Variants in HEATR5A observed in about 807,000 individuals in gnomAD.
HEATR5A encodes HEAT repeat-containing protein 5A.
A neutral mutation model predicts 218.8 loss-of-function variants in HEATR5A; 178 were observed. The ratio of observed to expected loss-of-function variants is 0.81; its 90% CI spans 0.72 to 0.92. The LOEUF is 0.92. Ranked by LOEUF, HEATR5A falls within the 40% of genes least tolerant of loss-of-function variation. The pLI, the probability that HEATR5A is intolerant of heterozygous loss-of-function variation, is 0.00. For missense variants in HEATR5A, 2,420 were observed against 2,418.9 expected (o/e 1.00, Z -0.01); for synonymous variants, 864 against 871.6 (o/e 0.99, Z 0.15).
chr14:31,310,456 A>G (rs565150971), intron 28 of HEATR5A, among the ~76,000 whole-genome samples: 7 of 152,308 alleles, frequency 4.6e-5, no homozygotes, highest in African/African-American at 1.7e-4. Flanking sequence ...CCTGGCTAAC[A>G]TGGAGAAACC....
At chr14:31,297,888 T>G (rs531749826) in intron 33 of HEATR5A, among the ~76,000 whole-genome samples, 2 of 152,316 alleles carry the variant, frequency 1.3e-5, no homozygotes, top group Non-Finnish European at 2.9e-5. Context: ...TTAACTATAA[T>G]GCTATACTGC....
intron 21 of HEATR5A, 67 bp downstream of exon 21, chr14:31,343,829 G>A: frequency 7.9e-7 from 1 of 1,263,212 alleles, no homozygotes; most frequent in South Asian, 1.7e-5. Flanking sequence ...TAATTAAAAT[G>A]TGTACTGGAA....
chr14:31,359,749 A>G (rs1242421577), intron 14 of HEATR5A, among the ~76,000 whole-genome samples: 1 of 151,272 alleles, frequency 6.6e-6, no homozygotes, highest in Non-Finnish European at 1.5e-5. Flanking sequence ...AAAAAAAAAA[A>G]AAAAGAATTA....
rs1901511708 is a variant in HEATR5A at position 31,358,767 on chromosome 14, G to A, written c.2281C>T (p.Pro761Ser). 2 of 1,613,794 alleles carry A rather than the reference G, an allele frequency of 1.2e-6. No individual in the cohort carries two copies. The change falls in exon 16 of 36, where the codon CCT (proline) becomes TCT (serine). Residue 761 changes from proline (P) to serine (S), a missense_variant. Transcript: ENST00000543095. ...GVACGSLEYD[P>S]YSIYEKDVEG... is the part of the protein sequence containing the mutation. ...ACATCTTTCTCATAAATCGAATAAG[G>A]GTCATATTCAAGACTTCCGCAAGCA...
intron 27 of HEATR5A, among the ~76,000 whole-genome samples, 189 bp downstream of exon 27, chr14:31,315,581 T>C (rs1899888179): frequency 6.6e-6 from 1 of 152,226 alleles, no homozygotes; most frequent in Admixed American, 6.5e-5. Flanking sequence ...GATAATAGAC[T>C]ACGGAAGACT....
chr14:31,410,375 A>G (rs1176910083), intron 1 of HEATR5A, among the ~76,000 whole-genome samples: 2 of 152,172 alleles, frequency 1.3e-5, no homozygotes, highest in Non-Finnish European at 2.9e-5. Flanking sequence ...ACCTCTCCCA[A>G]AAATACAGTA....
chr14:31,411,770 T>C (rs1326105588), intron 1 of HEATR5A, among the ~76,000 whole-genome samples: 4 of 152,218 alleles, frequency 2.6e-5, no homozygotes, highest in African/African-American at 9.6e-5. Flanking sequence ...ATTGGTGTTC[T>C]ATAGAATACA....
intron 4 of HEATR5A, among the ~76,000 whole-genome samples, chr14:31,397,950 T>C (rs778842084): frequency 2.0e-5 from 3 of 152,212 alleles, no homozygotes; most frequent in Admixed American, 2.0e-4. Flanking sequence ...ACCATGTCCA[T>C]GTTTTTATAT....
intron 13 of HEATR5A, among the ~76,000 whole-genome samples, chr14:31,364,685 A>G (rs1346090237): frequency 6.6e-6 from 1 of 152,088 alleles, no homozygotes; most frequent in Non-Finnish European, 1.5e-5. Flanking sequence ...CAGCCTCCCA[A>G]AGTGCTGGGA....
Position 31,293,280 on chromosome 14 carries a change from G to T in HEATR5A, c.*25C>A. 1 of 1,528,478 alleles carries T rather than the reference G, an allele frequency of 6.5e-7. No individual in the cohort carries two copies. The highest frequency in any genetic ancestry group is 8.8e-7 in the Non-Finnish European group (1 of 1,131,708). The allele number at this position is 1,528,478 out of a possible 1,614,324, so 94.7% of individuals were successfully genotyped here. ...AATGATCAAGTATTTATTATATTAA[G>T]GTGCTTACTATTCCAAAAAAAAAAT... On this transcript the variant is annotated 3_prime_UTR_variant, in exon 36 of 36. Coordinates refer to ENST00000543095, the MANE Select transcript of HEATR5A (RefSeq NM_015473.4).
chr14:31,300,357 C>T (rs1349536896), intron 33 of HEATR5A, among the ~76,000 whole-genome samples: 2 of 151,676 alleles, frequency 1.3e-5, no homozygotes, highest in African/African-American at 4.8e-5. Context: ...GTGATCTTGG[C>T]TCACACGGCA....
intron 27 of HEATR5A, among the ~76,000 whole-genome samples, chr14:31,313,812 A>C (rs1339038751): frequency 6.6e-6 from 1 of 152,232 alleles, no homozygotes; most frequent in Non-Finnish European, 1.5e-5. Flanking sequence ...AATGTGTTTG[A>C]TTATAGATTC....
At position 31,302,493 on chromosome 14, in the gene HEATR5A, A is replaced by G. The variant is rs772010857; in HGVS notation, c.5266T>C (p.Leu1756=). The part of the protein sequence containing the change: ...EGSISILPTI[L]YLTIGVLRET... The stretch of plus-strand genomic sequence containing the variant: ...CTGAGGACCCCGATTGTGAGGTACA[A>G]TATAGTAGGGAGAATTGAGATGCTT... Residue 1756 remains leucine, a synonymous_variant, in exon 33 of 36, where the codon TTG becomes CTG. Transcript: ENST00000543095. The G allele has an allele frequency of 2.5e-6, 4 of 1,582,994 alleles. No homozygotes were observed. The East Asian group carries it at 9.2e-5, about 36-fold the overall frequency.
chr14:31,373,191 G>A (rs369960492), intron 12 of HEATR5A, among the ~76,000 whole-genome samples: 2 of 151,882 alleles, frequency 1.3e-5, no homozygotes, highest in East Asian at 3.9e-4. Context: ...AAAAATGCTG[G>A]GATTGGCCAC....
At chr14:31,419,106 G>C (rs1236546234) in intron 1 of HEATR5A, among the ~76,000 whole-genome samples, 1 of 152,188 alleles carries the variant, frequency 6.6e-6, no homozygotes, top group Admixed American at 6.5e-5. Context: ...ATAGTGGAGG[G>C]AACTTAAGCT....
intron 14 of HEATR5A, 105 bp downstream of exon 14, chr14:31,364,083 TA>T: frequency 5.4e-6 from 3 of 552,638 alleles, no homozygotes; most frequent in Non-Finnish European, 6.5e-6. Context: ...AGGCACTAAA[TA>T]ACTGCCATTA....
intron 16 of HEATR5A, among the ~76,000 whole-genome samples, chr14:31,352,705 C>A (rs939933851): frequency 2.6e-5 from 4 of 152,160 alleles, no homozygotes; most frequent in Admixed American, 6.5e-5. Flanking sequence ...CACCTACAAT[C>A]CCAGCACTTT....
At chr14:31,340,551 A>G in intron 21 of HEATR5A, 1 of 893,166 alleles carries the variant, frequency 1.1e-6, no homozygotes, top group Non-Finnish European at 1.6e-6. Flanking sequence ...GACAACAGTC[A>G]GCTAAGCATT....
chr14:31,315,895 T>C lies in HEATR5A; in HGVS notation c.4093A>G (p.Arg1365Gly). Residue 1365 changes from arginine (R) to glycine (G), a missense_variant, in exon 27 of 36, where the codon AGA becomes GGA. Arg to Gly is a moderately radical substitution (Grantham distance 125). Coordinates refer to ENST00000543095, the MANE Select transcript of HEATR5A (RefSeq NM_015473.4). ...GVVSDLNDLRRVHQLLVSSLT... is the reference protein window; with the variant it reads ...GVVSDLNDLRGVHQLLVSSLT... ...GATGAAACAAGCAACTGATGAACTC[T>C]TCGGAGATCATTAAGGTCACTTACA... The C allele has an allele frequency of 1.3e-6, 2 of 1,589,158 alleles. No homozygotes were observed. The highest frequency in any genetic ancestry group is 1.7e-6 in the Non-Finnish European group (2 of 1,166,864).
Sources: allele counts gnomAD v4.1 joint callset (sites outside exome capture counted in the v4.1 genomes callset), GRCh38; gene constraint gnomAD v4.1.1; transcripts MANE v1.5; gene names NCBI Gene and HGNC (gene_info 2026-07-23, HGNC 2026-07-21).